Variants in CSMD1 observed in about 807,000 individuals in gnomAD.
CSMD1 encodes the protein CUB and Sushi multiple domains 1, also known as CUB and sushi domain-containing protein 1.
CSMD1 carries 213 observed loss-of-function variants against 417.5 expected under a neutral mutation model. The ratio of observed to expected loss-of-function variants is 0.51; its 90% CI spans 0.46 to 0.57. The LOEUF (loss-of-function observed/expected upper bound fraction) is 0.57. Among genes scored for constraint, CSMD1 ranks in the 20% least tolerant of loss-of-function variants. CSMD1 has a pLI of 0.00. For missense variants in CSMD1, 6,923 were observed against 4,529.7 expected, an observed-to-expected ratio of 1.53 and a Z score of -15.17; for synonymous variants, 2,862 against 1,736.8, an observed-to-expected ratio of 1.65 and a Z score of -16.11.
Position 2,963,367 on chromosome 8 carries a change from C to T in CSMD1, c.9309G>A (p.Val3103=). ...KAVLCPQPPP[V]QNGTVEGSDF... ...CACTTCCCTCCACTGTTCCATTCTG[C>T]ACCGGCGGCGGCTGAGGACACAGCA... The change falls in exon 60 of 70, where the codon GTG becomes GTA. Residue 3103 remains valine, a synonymous_variant. Coordinates refer to ENST00000635120, the MANE Select transcript of CSMD1 (RefSeq NM_033225.6). 4 of 1,613,968 alleles carry T rather than the reference C, an allele frequency of 2.5e-6. No homozygotes were observed. Among genetic ancestry groups the T allele is most frequent in the Non-Finnish European group, 3.4e-6 (4 of 1,179,864 alleles).
chr8:2,993,277 C>G (rs1806562165), intron 54 of CSMD1, among the ~76,000 whole-genome samples: 1 of 152,202 alleles, frequency 6.6e-6, no homozygotes. Context: ...TTTGAAGCAA[C>G]AAATGGGTGT....
At chr8:3,687,657 C>A (rs974135438) in intron 7 of CSMD1, among the ~76,000 whole-genome samples, 1 of 152,156 alleles carries the variant, frequency 6.6e-6, no homozygotes, top group African/African-American at 2.4e-5. Context: ...TGCTGAGTGG[C>A]GCACGCTAGG....
At position 3,044,196 on chromosome 8, in the gene CSMD1, C is replaced by G. The variant is rs138637894; in HGVS notation, c.7660+8266G>C. Among the ~76,000 whole-genome samples the G allele has an allele frequency of 1.6e-3, 248 of 152,232 alleles. 1 individual carries two copies. Among genetic ancestry groups the G allele is most frequent in the African/African-American group, 5.8e-3 (242 of 41,532 alleles). On this transcript the variant is annotated intron_variant, in intron 50 of 69. Transcript: ENST00000635120. ...GTCATAGTGAGCATTTGTAAATAAC[C>G]AGACTGTACTGTCCTTCATATGTGA...
At chr8:3,861,830 A>G (rs150994937) in intron 5 of CSMD1, among the ~76,000 whole-genome samples, 1 of 152,198 alleles carries the variant, frequency 6.6e-6, no homozygotes, top group African/African-American at 2.4e-5. Flanking sequence ...GATGTGACCT[A>G]TGAAGCCACT....
intron 39 of CSMD1, among the ~76,000 whole-genome samples, chr8:3,152,521 T>C (rs538120303): frequency 6.6e-6 from 1 of 152,312 alleles, no homozygotes; most frequent in African/African-American, 2.4e-5. Flanking sequence ...TTTTCTTTTT[T>C]AATCATCATC....
intron 5 of CSMD1, among the ~76,000 whole-genome samples, chr8:3,965,086 T>G: frequency 6.6e-6 from 1 of 152,200 alleles, no homozygotes; most frequent in East Asian, 1.9e-4. Flanking sequence ...CCGCAGTAGC[T>G]GACTTAGTAA....
intron 3 of CSMD1, among the ~76,000 whole-genome samples, chr8:4,245,789 T>C (rs932449464): frequency 1.3e-5 from 2 of 152,186 alleles, no homozygotes; most frequent in African/African-American, 2.4e-5. Flanking sequence ...TCCTATTTTC[T>C]TAACAAAATT....
At chr8:3,148,080 G>C (rs946288908) in intron 40 of CSMD1, among the ~76,000 whole-genome samples, 1 of 152,112 alleles carries the variant, frequency 6.6e-6, no homozygotes, top group African/African-American at 2.4e-5. Context: ...GGAAATAGGG[G>C]ACCCTTTTCT....
intron 7 of CSMD1, among the ~76,000 whole-genome samples, chr8:3,671,521 ATATG>A (rs1563256857): frequency 1.3e-4 from 1 of 7,794 alleles, no homozygotes; most frequent in East Asian, 3.4e-3. Flanking sequence ...ATGATCATAT[ATATG>A]ATCATATATA....
At position 4,466,939 on chromosome 8, in the gene CSMD1, C is replaced by T. The variant is rs555456227; in HGVS notation, c.303-46874G>A. Reference sequence around the variant, plus strand: ...TTTTACAGCATTGAAATTAGAATTTCCTGTGAACATTTCTTCCTTCCCTTA... The same window carrying T: ...TTTTACAGCATTGAAATTAGAATTTTCTGTGAACATTTCTTCCTTCCCTTA... On this transcript the variant is annotated intron_variant, in intron 2 of 69. Transcript: ENST00000635120. Among the ~76,000 whole-genome samples the T allele has an allele frequency of 1.5e-3, 235 of 151,874 alleles. 1 individual carries two copies. Among genetic ancestry groups the T allele is most frequent in the African/African-American group, 4.8e-3 (197 of 41,456 alleles).
intron 3 of CSMD1, among the ~76,000 whole-genome samples, chr8:4,170,172 A>C (rs538145381): frequency 1.6e-4 from 25 of 151,932 alleles, no homozygotes; most frequent in African/African-American, 4.4e-4. Flanking sequence ...GATAAGAGTG[A>C]AGGACCTTTC....
At chr8:4,080,364 A>G (rs1268345917) in intron 3 of CSMD1, among the ~76,000 whole-genome samples, 2 of 152,226 alleles carry the variant, frequency 1.3e-5, no homozygotes, top group Non-Finnish European at 2.9e-5. Flanking sequence ...CAAAATCTAC[A>G]CAAACAGGTA....
chr8:3,410,355 G>C (rs1267867926), intron 12 of CSMD1, among the ~76,000 whole-genome samples: 1 of 152,136 alleles, frequency 6.6e-6, no homozygotes, highest in African/African-American at 2.4e-5. Flanking sequence ...CGCACACATG[G>C]GGCTGGATAT....
intron 1 of CSMD1, among the ~76,000 whole-genome samples, chr8:4,674,089 T>C (rs1042985336): frequency 1.4e-4 from 22 of 152,336 alleles, no homozygotes; most frequent in African/African-American, 5.1e-4. Context: ...ATATGCATTA[T>C]TCTCTTTATA....
chr8:4,418,387 C>A (rs1013104999), intron 3 of CSMD1, among the ~76,000 whole-genome samples: 2 of 152,014 alleles, frequency 1.3e-5, no homozygotes, highest in African/African-American at 4.8e-5. Flanking sequence ...CACCAGTAAA[C>A]CCAGAAATAG....
rs527527960 is a variant in CSMD1, at chr8:4,671,398, T to C, written c.86-33840A>G. Among the ~76,000 whole-genome samples the C allele has an allele frequency of 5.3e-5, 8 of 152,330 alleles. No individual in the cohort carries two copies. The East Asian group carries it at 1.5e-3, about 29-fold the overall frequency. On this transcript the variant is annotated intron_variant, in intron 1 of 69. Transcript: ENST00000635120. ...ACCCAAGTCTGTTTGTGTAATCAAC[T>C]AGAAACTCTTCATGAGGAGAAAAAT...
intron 1 of CSMD1, among the ~76,000 whole-genome samples, chr8:4,694,427 C>G (rs1001380979): frequency 5.9e-5 from 9 of 152,156 alleles, no homozygotes; most frequent in African/African-American, 2.2e-4. Flanking sequence ...TCTTGGGTCA[C>G]TGCAACCCCT....
At chr8:4,338,953 G>C (rs1174357890) in intron 3 of CSMD1, among the ~76,000 whole-genome samples, 2 of 152,048 alleles carry the variant, frequency 1.3e-5, no homozygotes, top group Non-Finnish European at 2.9e-5. Context: ...TCTGAACATA[G>C]GTCTGGGCAT....
chr8:4,174,403 G>C (rs1040433213), intron 3 of CSMD1, among the ~76,000 whole-genome samples: 3 of 151,992 alleles, frequency 2.0e-5, no homozygotes, highest in African/African-American at 7.3e-5. Context: ...TTTAAATTAA[G>C]AGAAATTGCA....
Sources: allele counts gnomAD v4.1 joint callset (sites outside exome capture counted in the v4.1 genomes callset), GRCh38; gene constraint gnomAD v4.1.1; transcripts MANE v1.5; gene names NCBI Gene and HGNC (gene_info 2026-07-23, HGNC 2026-07-21).